Variants in RFX4 observed in about 807,000 individuals in gnomAD.
RFX4 encodes regulatory factor X4.
Under a neutral mutation model 95.0 loss-of-function variants are expected in RFX4, and 10 were observed. The observed-to-expected ratio is 0.11, with a 90% CI of 0.06 to 0.18. The LOEUF is 0.18. Ranked by LOEUF, RFX4 falls within the 10% of genes least tolerant of loss-of-function variation. The pLI is 1.00. For missense variants in RFX4, 640 were observed against 922.0 expected, an observed-to-expected ratio of 0.69 and a Z score of 3.96; for synonymous variants, 321 against 340.7, an observed-to-expected ratio of 0.94 and a Z score of 0.64.
intron 2 of RFX4, among the ~76,000 whole-genome samples, chr12:106,609,400 T>C (rs1485822995): frequency 2.6e-5 from 4 of 152,256 alleles, no homozygotes; most frequent in Admixed American, 2.6e-4. Context: ...CTGGGGCTTC[T>C]GGGTGCTATA....
intron 1 of RFX4, among the ~76,000 whole-genome samples, chr12:106,593,048 C>A (rs1275430347): frequency 6.6e-6 from 1 of 152,160 alleles, no homozygotes; most frequent in Non-Finnish European, 1.5e-5. Context: ...ATATCCCACC[C>A]TCAAGGCAGG....
chr12:106,688,251 G>C (rs969338055), intron 6 of RFX4, among the ~76,000 whole-genome samples: 5 of 151,894 alleles, frequency 3.3e-5, no homozygotes, highest in African/African-American at 1.2e-4. Flanking sequence ...TGTATTTTTA[G>C]TAGAGACGGG....
At chr12:106,677,823 T>C (rs74489703) in intron 4 of RFX4, among the ~76,000 whole-genome samples, 81 of 151,830 alleles carry the variant, frequency 5.3e-4, no homozygotes, top group African/African-American at 1.7e-3. Context: ...ACTAGTGCAG[T>C]AGTGGGGGTA....
At chr12:106,735,967 A>C (rs2042702134) in intron 15 of RFX4, among the ~76,000 whole-genome samples, 1 of 152,178 alleles carries the variant, frequency 6.6e-6, no homozygotes. Context: ...TATGGAGTGG[A>C]GGGCTTGGTC....
chr12:106,594,246 G>A (rs1321706875), intron 1 of RFX4, among the ~76,000 whole-genome samples: 1 of 152,190 alleles, frequency 6.6e-6, no homozygotes. Context: ...AAATTCCAGA[G>A]GGCTTGAGGC....
chr12:106,616,216 T>A (rs1164233557), intron 2 of RFX4, among the ~76,000 whole-genome samples: 1 of 152,248 alleles, frequency 6.6e-6, no homozygotes, highest in African/African-American at 2.4e-5. Context: ...GTTTTGATGA[T>A]CATATATTTT....
At chr12:106,607,864 TA>T (rs937511762) in intron 1 of RFX4, among the ~76,000 whole-genome samples, 9 of 150,890 alleles carry the variant, frequency 6.0e-5, no homozygotes, top group African/African-American at 1.2e-4. Context: ...GAAATTGGAT[TA>T]AAAAAAAACA....
intron 1 of RFX4, among the ~76,000 whole-genome samples, chr12:106,599,354 A>G (rs992109161): frequency 2.6e-5 from 4 of 152,098 alleles, no homozygotes; most frequent in African/African-American, 9.7e-5. Flanking sequence ...TCACAATGAG[A>G]CTTTAATGTA....
chr12:106,729,403 A>G (rs1247006678), intron 13 of RFX4, among the ~76,000 whole-genome samples: 1 of 152,162 alleles, frequency 6.6e-6, no homozygotes, highest in African/African-American at 2.4e-5. Context: ...AATAATAGCT[A>G]CCAATTATTA....
intron 1 of RFX4, among the ~76,000 whole-genome samples, chr12:106,596,791 G>A (rs2039626371): frequency 6.6e-6 from 1 of 152,234 alleles, no homozygotes; most frequent in African/African-American, 2.4e-5. Context: ...TTTTGCCTGT[G>A]TAATTTTTAT....
chr12:106,683,730 G>A (rs1205741023), intron 5 of RFX4: 1 of 152,142 alleles, frequency 6.6e-6, no homozygotes, highest in South Asian at 2.1e-4. Flanking sequence ...GGCTCCGATA[G>A]CTTGTTGCTC....
At chr12:106,625,138 G>C (rs1232561809) in intron 2 of RFX4, among the ~76,000 whole-genome samples, 1 of 152,194 alleles carries the variant, frequency 6.6e-6, no homozygotes, top group African/African-American at 2.4e-5. Flanking sequence ...GGAAACTGAG[G>C]CTTAGAGAAG....
At chr12:106,632,113 G>C (rs972457327) in intron 2 of RFX4, among the ~76,000 whole-genome samples, 1 of 152,150 alleles carries the variant, frequency 6.6e-6, no homozygotes, top group Non-Finnish European at 1.5e-5. Context: ...TTTGAGCCTG[G>C]AAATTTGGCC....
In RFX4 at chr12:106,732,592, C is replaced by G. The variant is rs934771217; in HGVS notation, c.1472-332C>G. On this transcript the variant is annotated intron_variant, in intron 14 of 17. Transcript: ENST00000392842. Reference sequence around the variant, plus strand: ...GTGCACAACTGTAGTCCCAGCTGCTCAGGAGGCTGAGGCACGAGAATCACT... The same window carrying G: ...GTGCACAACTGTAGTCCCAGCTGCTGAGGAGGCTGAGGCACGAGAATCACT... 1.7e-4 allele frequency among the ~76,000 whole-genome samples: 26 copies of G among 152,134 alleles called. 1 individual carries two copies. The highest frequency in any genetic ancestry group is 6.0e-4 in the African/African-American group (25 of 41,514).
chr12:106,640,715 A>G lies in RFX4; in HGVS notation c.191+1323A>G, dbSNP rs527331582. On this transcript the variant is annotated intron_variant, in intron 3 of 17. Transcript: ENST00000392842. ...AGTTCCCATAGTGCCAAGACATCGA[A>G]TGAGGCATCGATGTAAAGGACTCTG... 3.3e-5 allele frequency among the ~76,000 whole-genome samples: 5 copies of G among 151,894 alleles called. No homozygotes were observed. The East Asian group carries it at 9.7e-4, about 29-fold the overall frequency.
chr12:106,614,477 C>CTGTGTGTGTGTGTGTGTGTG (rs34226201), intron 2 of RFX4, among the ~76,000 whole-genome samples: 1 of 127,764 alleles, frequency 7.8e-6, no homozygotes, highest in Non-Finnish European at 1.6e-5. Flanking sequence ...CGTCTTTTGC[C>CTGTGTGTGTGTGTGTGTGTG]TGTGTGTGTG....
intron 15 of RFX4, among the ~76,000 whole-genome samples, chr12:106,742,159 G>A (rs866916020): frequency 2.6e-5 from 4 of 152,126 alleles, no homozygotes; most frequent in African/African-American, 9.7e-5. Context: ...GAATCTCAAA[G>A]CTTCAGGTTT....
rs180717204 is a variant in RFX4, at chr12:106,633,764, T to C, written c.131-5568T>C. ...AAGTTTAGTTGGGAAAAAAACCTGA[T>C]ATAACAAAGGCAGTATTGCTTGAGT... is the stretch of plus-strand genomic sequence containing the variant. On this transcript the variant is annotated intron_variant, in intron 2 of 17. Transcript: ENST00000392842. 7.1e-4 allele frequency among the ~76,000 whole-genome samples: 108 copies of C among 152,298 alleles called. 1 individual carries two copies. Among genetic ancestry groups the C allele is most frequent in the Non-Finnish European group, 9.4e-4 (64 of 68,026 alleles).
intron 1 of RFX4, among the ~76,000 whole-genome samples, chr12:106,604,701 A>G (rs937921943): frequency 6.6e-6 from 1 of 152,260 alleles, no homozygotes; most frequent in African/African-American, 2.4e-5. Context: ...GAGTCAAAAG[A>G]AATAGAATAA....
Sources: allele counts gnomAD v4.1 joint callset (sites outside exome capture counted in the v4.1 genomes callset), GRCh38; gene constraint gnomAD v4.1.1; transcripts MANE v1.5; gene names NCBI Gene and HGNC (gene_info 2026-07-23, HGNC 2026-07-21).